The following PCDHA1 variants were observed in gnomAD, a reference collection of about 807,000 sequenced individuals.
PCDHA1 encodes protocadherin alpha 1, also known as protocadherin alpha-1.
PCDHA1 carries 42 observed loss-of-function variants against 61.3 expected under a neutral mutation model. That is an observed-to-expected ratio of 0.69 (90% CI 0.54 to 0.89). PCDHA1 has a LOEUF of 0.89. PCDHA1 is among the 40% of genes least tolerant of loss of function. PCDHA1 has a pLI of 0.00. For synonymous variants in PCDHA1, 610 were observed against 553.8 expected (o/e 1.10, Z -1.43); for missense variants, 1,256 against 1,235.3 (o/e 1.02, Z -0.25).
At chr5:140,861,535 G>A (rs1014652583) in intron 1 of PCDHA1, 3 of 446,466 alleles carry the variant, frequency 6.7e-6, no homozygotes, top group East Asian at 1.3e-4. Context: ...TCGGAGTGCA[G>A]CATCCACCTG....
At chr5:140,841,592 G>C (rs2150318717) in intron 1 of PCDHA1, 1 of 1,614,096 alleles carries the variant, frequency 6.2e-7, no homozygotes, top group African/African-American at 1.3e-5. Context: ...TTCTCGGATC[G>C]ACCGCGAGGA....
At position 140,929,318 on chromosome 5, in the gene PCDHA1, A is replaced by G. The variant is rs78197291; in HGVS notation, c.2395-49631A>G. The G allele has an allele frequency of 3.9e-4, 606 of 1,545,240 alleles. 3 individuals carry two copies. The African/African-American group carries it at 7.7e-3, about 20-fold the overall frequency. ...AGGAAAGGGGATCACGCTAATGTCA[A>G]TGCCATGGTAAGCAAATTTTATGGA... On this transcript the variant is annotated intron_variant, in intron 1 of 3. Coordinates refer to ENST00000504120, the MANE Select transcript of PCDHA1 (RefSeq NM_018900.4).
chr5:140,796,571 G>C (rs202138167), intron 1 of PCDHA1: 1 of 1,613,094 alleles, frequency 6.2e-7, no homozygotes, highest in African/African-American at 1.3e-5. Context: ...TTCCAGGTGA[G>C]CGCGCGGGAT....
At chr5:140,833,939 G>A (rs1772729050) in intron 1 of PCDHA1, among the ~76,000 whole-genome samples, 1 of 151,992 alleles carries the variant, frequency 6.6e-6, no homozygotes, top group African/African-American at 2.4e-5. Context: ...TGTCACTTAG[G>A]TTTCTATCTT....
Position 140,928,590 on chromosome 5 carries a change from A to G in PCDHA1, c.2395-50359A>G, listed in dbSNP as rs78699363. The G allele has an allele frequency of 6.8e-4, 1,101 of 1,614,224 alleles. 1 individual carries two copies. Among genetic ancestry groups the G allele is most frequent in the Non-Finnish European group, 8.8e-4 (1,041 of 1,180,028 alleles). On this transcript the variant is annotated intron_variant, in intron 1 of 3. Coordinates refer to ENST00000504120, the MANE Select transcript of PCDHA1 (RefSeq NM_018900.4). ...CCTTGCCCAGAAATGGTTCTGTCCC[A>G]GTGGAAATTGTGCCCCGCTCTGCCA...
chr5:140,863,047 C>G (rs1554157583), intron 1 of PCDHA1: 1 of 560,866 alleles, frequency 1.8e-6, no homozygotes. Flanking sequence ...TGTCAGCTGG[C>G]AGCACCCGTT....
chr5:140,805,104 T>C, intron 1 of PCDHA1: 1 of 1,591,546 alleles, frequency 6.3e-7, no homozygotes, highest in East Asian at 2.2e-5. Context: ...CTTGAAACTA[T>C]TGTCTAACAA....
At chr5:140,857,620 C>G (rs782083775) in intron 1 of PCDHA1, 4 of 1,596,448 alleles carry the variant, frequency 2.5e-6, no homozygotes, top group Non-Finnish European at 3.4e-6. Context: ...CGCTGGACCA[C>G]GAGGAGCTGG....
intron 1 of PCDHA1, chr5:140,806,907 C>T (rs1449170293): frequency 2.1e-6 from 1 of 474,862 alleles, no homozygotes; most frequent in Non-Finnish European, 3.7e-6. Context: ...TCCGAAACGA[C>T]TGAAATAATA....
At chr5:140,993,103 G>A (rs2097540365) in intron 3 of PCDHA1, among the ~76,000 whole-genome samples, 1 of 152,218 alleles carries the variant, frequency 6.6e-6, no homozygotes, top group East Asian at 1.9e-4. Context: ...TTTATTCAGC[G>A]GTCAGTGTCA....
intron 1 of PCDHA1, chr5:140,927,524 C>G (rs781824669): frequency 1.2e-6 from 2 of 1,614,104 alleles, no homozygotes; most frequent in Admixed American, 1.7e-5. Flanking sequence ...GGCGGGCTAC[C>G]TGCCCGCTCA....
chr5:140,913,450 T>G (rs2153526628), intron 1 of PCDHA1, among the ~76,000 whole-genome samples: 1 of 152,270 alleles, frequency 6.6e-6, no homozygotes, highest in Middle Eastern at 3.4e-3. Flanking sequence ...TCAGCTCCGA[T>G]TTTATTTACT....
chr5:140,877,874 C>A, intron 1 of PCDHA1: 1 of 1,477,456 alleles, frequency 6.8e-7, no homozygotes, highest in Non-Finnish European at 9.0e-7. Flanking sequence ...ATATTTGTTT[C>A]CTTGAAGAAC....
chr5:140,818,753 G>A (rs1766431196), intron 1 of PCDHA1, among the ~76,000 whole-genome samples: 1 of 152,198 alleles, frequency 6.6e-6, no homozygotes, highest in Non-Finnish European at 1.5e-5. Context: ...TTGGAGGATG[G>A]CTTGAGCCTG....
chr5:140,800,412 A>G (rs1554121130), intron 1 of PCDHA1, among the ~76,000 whole-genome samples: 1 of 152,210 alleles, frequency 6.6e-6, no homozygotes, highest in African/African-American at 2.4e-5. Context: ...AAATGTACAT[A>G]TTTTAAGAAA....
In PCDHA1 at chr5:140,820,570, T is replaced by C. The variant is rs143023207; in HGVS notation, c.2394+31886T>C. Among the ~76,000 whole-genome samples, 141 of 152,188 alleles carry C rather than the reference T, an allele frequency of 9.3e-4. 1 individual carries two copies. Among genetic ancestry groups the C allele is most frequent in the African/African-American group, 3.3e-3 (136 of 41,568 alleles). On this transcript the variant is annotated intron_variant, in intron 1 of 3. Coordinates refer to ENST00000504120, the MANE Select transcript of PCDHA1 (RefSeq NM_018900.4). ...ACTTGGTGATATTTTCTTTTGCCCATATTTATTAAGTGAAGTTTACTAAAT... is the reference window on the plus strand; with the variant it reads ...ACTTGGTGATATTTTCTTTTGCCCACATTTATTAAGTGAAGTTTACTAAAT...
chr5:140,841,696 T>C lies in PCDHA1; in HGVS notation c.2394+53012T>C, dbSNP rs2150321005. The C allele has an allele frequency of 6.8e-6, 11 of 1,613,722 alleles. No homozygotes were observed. In the East Asian group the frequency reaches 1.8e-4, roughly 26 times the overall value. Reference sequence around the variant, plus strand: ...TCCATGTGGACGTGGAGGTGAAGGATGTTAATGACAACCCGCCAGTGTTCC... The same window carrying C: ...TCCATGTGGACGTGGAGGTGAAGGACGTTAATGACAACCCGCCAGTGTTCC... On this transcript the variant is annotated intron_variant, in intron 1 of 3. Coordinates refer to ENST00000504120, the MANE Select transcript of PCDHA1 (RefSeq NM_018900.4).
chr5:140,966,183 C>T (rs1399845859), intron 1 of PCDHA1: 1 of 195,556 alleles, frequency 5.1e-6, no homozygotes, highest in African/African-American at 2.3e-5. Flanking sequence ...AGCTGATAGC[C>T]AGACTTCTAG....
chr5:140,966,330 G>A, intron 1 of PCDHA1: 2 of 393,050 alleles, frequency 5.1e-6, no homozygotes, highest in Non-Finnish European at 9.0e-6. Context: ...CTGGGATCCG[G>A]CAGGTCCAGG....
Sources: allele counts gnomAD v4.1 joint callset (sites outside exome capture counted in the v4.1 genomes callset), GRCh38; gene constraint gnomAD v4.1.1; transcripts MANE v1.5; gene names NCBI Gene and HGNC (gene_info 2026-07-23, HGNC 2026-07-21).